Variants in TGFBI observed in about 807,000 individuals in gnomAD.
TGFBI encodes transforming growth factor-beta-induced protein ig-h3.
In TGFBI, 50 loss-of-function variants were observed where a neutral mutation model predicts 73.7. That is an observed-to-expected ratio of 0.68 (90% CI 0.54 to 0.86). TGFBI has a LOEUF of 0.86. TGFBI is among the 40% of genes least tolerant of loss of function. The pLI is 0.00. For synonymous variants in TGFBI, 362 were observed against 360.5 expected (o/e 1.00, Z -0.05); for missense variants, 839 against 877.0 (o/e 0.96, Z 0.55).
At chr5:136,035,623 T>TC (rs1751204768) in intron 2 of TGFBI, among the ~76,000 whole-genome samples, 1 of 107,172 alleles carries the variant, frequency 9.3e-6, no homozygotes, top group Non-Finnish European at 1.8e-5. Context: ...AGACACCGTC[T>TC]CAAAAAAAAA....
rs1342088627 is a variant in TGFBI, at chr5:136,056,705, A to T, written c.1588A>T (p.Thr530Ser). 2 of 1,613,574 alleles carry T rather than the reference A, an allele frequency of 1.2e-6. No individual in the cohort carries two copies. The highest frequency in any genetic ancestry group is 3.3e-5 in the Admixed American group (2 of 59,970). ...AAIQSAGLTE[T>S]LNREGVYTVF... ...CATCCAGTCTGCAGGACTGACGGAG[A>T]CCCTCAACCGGGAAGGAGTCTACAC... Residue 530 changes from threonine (T) to serine (S), a missense_variant, in exon 12 of 17, where the codon ACC becomes TCC. Transcript: ENST00000442011.
At position 136,060,898 on chromosome 5, in the gene TGFBI, G is replaced by A. The variant is rs121909215; in HGVS notation, c.1868G>A (p.Gly623Asp). 6.3e-7 allele frequency: 1 copy of A among 1,598,210 alleles called. No individual in the cohort carries two copies. Among genetic ancestry groups the A allele is most frequent in the Non-Finnish European group, 8.6e-7 (1 of 1,168,298 alleles). The change falls in exon 14 of 17, where the codon GGC becomes GAC. Residue 623 changes from glycine (G) to aspartate (D), a missense_variant. By Grantham distance (94) the Gly-to-Asp change is moderately conservative. Transcript: ENST00000442011. ...VAEPDIMATN[G>D]VVHVITNVLQ... The stretch of plus-strand genomic sequence containing the variant: ...GAGCCTGACATCATGGCCACAAATG[G>A]CGTGGTCCATGTCATCACCAATGTT...
At position 136,060,814 on chromosome 5, in the gene TGFBI, C is replaced by T; in HGVS notation, c.1804-20C>T. 3 of 1,560,982 alleles carry T rather than the reference C, an allele frequency of 1.9e-6. No individual in the cohort carries two copies. The highest frequency in any genetic ancestry group is 2.6e-6 in the Non-Finnish European group (3 of 1,139,362). On this transcript the variant is annotated intron_variant, in intron 13 of 16. Transcript: ENST00000442011. ...TAAATAAATGCTCTACTTTCAACCACTACTCTGTTTTTCTTTTAGAAAAAC... is the reference window on the plus strand; with the variant it reads ...TAAATAAATGCTCTACTTTCAACCATTACTCTGTTTTTCTTTTAGAAAAAC...
At chr5:136,055,569 A>C in intron 10 of TGFBI, 111 bp from the exon 11 acceptor site, 3 of 1,013,846 alleles carry the variant, frequency 3.0e-6, no homozygotes, top group Non-Finnish European at 4.0e-6. Context: ...ATCCCAGTGT[A>C]TACTCCTTCA....
intron 12 of TGFBI, among the ~76,000 whole-genome samples, chr5:136,057,254 G>A (rs563090688): frequency 4.0e-4 from 61 of 152,304 alleles, no homozygotes; most frequent in African/African-American, 1.4e-3. Flanking sequence ...GGGCAGAGAG[G>A]AGTAGAAAAG....
chr5:136,055,319 G>A (rs1751610024), intron 10 of TGFBI: 1 of 222,802 alleles, frequency 4.5e-6, no homozygotes, highest in Admixed American at 5.1e-5. Flanking sequence ...TCTTGCCTGG[G>A]ACCAACCAGC....
chr5:136,055,322 C>G (rs1219787079), intron 10 of TGFBI: 1 of 220,214 alleles, frequency 4.5e-6, no homozygotes, highest in Admixed American at 5.1e-5. Context: ...TGCCTGGGAC[C>G]AACCAGCACC....
chr5:136,050,419 A>C (rs1341907229), intron 7 of TGFBI, among the ~76,000 whole-genome samples: 1 of 152,118 alleles, frequency 6.6e-6, no homozygotes, highest in Admixed American at 6.5e-5. Context: ...TGAGCTGCTA[A>C]GTTAGGCAGT....
chr5:136,060,688 C>T (rs1208418205), intron 13 of TGFBI, 146 bp from the exon 14 acceptor site: 26 of 540,016 alleles, frequency 4.8e-5, no homozygotes, highest in Admixed American at 1.3e-4. Flanking sequence ...CCAGCCTGGG[C>T]GACAAGATTG....
chr5:136,049,430 T>C lies in TGFBI; in HGVS notation c.772-9T>C. ...TCAGGGAGCACTCCATCTTCTCTCC[T>C]CCCCACAGGCTGCTGTGGCTGCATC... On this transcript the variant is annotated splice_polypyrimidine_tract_variant and intron_variant, in intron 6 of 16. Coordinates refer to ENST00000442011, the MANE Select transcript of TGFBI (RefSeq NM_000358.3). 1.2e-6 allele frequency: 2 copies of C among 1,613,232 alleles called. No individual in the cohort carries two copies. The highest frequency in any genetic ancestry group is 1.1e-5 in the South Asian group (1 of 91,046).
At chr5:136,055,451 C>T (rs1751612396) in intron 10 of TGFBI, 1 of 402,504 alleles carries the variant, frequency 2.5e-6, no homozygotes, top group African/African-American at 2.0e-5. Flanking sequence ...TATGGGACCT[C>T]TGTGTGACTT....
Position 136,054,962 on chromosome 5 carries a change from G to T in TGFBI, c.1410+101G>T, listed in dbSNP as rs1363100095. 107 of 1,380,798 alleles carry T rather than the reference G, an allele frequency of 7.7e-5. 1 individual carries two copies. The highest frequency in any genetic ancestry group is 8.9e-6 in the Non-Finnish European group (9 of 1,007,904). 85.5% of individuals were successfully genotyped at this position (1,380,798 alleles called of 1,614,324 possible). A position where few individuals can be genotyped will look rare whatever the true frequency, so the allele number is the denominator to read the frequency against. ...CCTCAATAAGCAGGAGTTTGCATGA[G>T]AACTGGTTGCTGACAAGGAAGGAAA... On this transcript the variant is annotated intron_variant, in intron 10 of 16. Coordinates refer to ENST00000442011, the MANE Select transcript of TGFBI (RefSeq NM_000358.3).
Position 136,046,927 on chromosome 5 carries a change from G to A in TGFBI, c.536G>A (p.Arg179Gln), listed in dbSNP as rs371119133. The A allele has an allele frequency of 9.3e-6, 15 of 1,613,618 alleles. No individual in the cohort carries two copies. The highest frequency in any genetic ancestry group is 1.3e-5 in the African/African-American group (1 of 74,884). Residue 179 changes from arginine (R) to glutamine (Q), a missense_variant, in exon 5 of 17, where the codon CGA (arginine) becomes CAA (glutamine). By Grantham distance (43) the Arg-to-Gln change is conservative (BLOSUM62 1). Coordinates refer to ENST00000442011, the MANE Select transcript of TGFBI (RefSeq NM_000358.3). Reference sequence around the variant, plus strand: ...CTCCGCTACCATATGGTGGGCAGGCGAGTCCTGACTGATGAGCTGAAACAC... The same window carrying A: ...CTCCGCTACCATATGGTGGGCAGGCAAGTCCTGACTGATGAGCTGAAACAC... ...NALRYHMVGR[R>Q]VLTDELKHGM...
At chr5:136,045,783 T>C (rs1751417361) in intron 3 of TGFBI, 1 of 152,136 alleles carries the variant, frequency 6.6e-6, no homozygotes, top group Admixed American at 6.5e-5. Context: ...TCAAAATGAA[T>C]ATTAAGCTCA....
In TGFBI at chr5:136,057,702, G is replaced by A. The variant is rs542022692; in HGVS notation, c.1678+907G>A. 3.3e-5 allele frequency among the ~76,000 whole-genome samples: 5 copies of A among 152,134 alleles called. No homozygotes were observed. In the South Asian group the frequency reaches 1.0e-3, roughly 32 times the overall value. On this transcript the variant is annotated intron_variant, in intron 12 of 16. Transcript: ENST00000442011. ...AGGAAGGACCTTGACAAACCTTGGG[G>A]CCCACATTGTCTACACCTCCCTTCC...
intron 7 of TGFBI, 139 bp from the exon 8 acceptor site, chr5:136,052,767 TG>T: frequency 1.3e-6 from 1 of 795,622 alleles, no homozygotes; most frequent in Non-Finnish European, 2.0e-6. Flanking sequence ...GAGGAGGATC[TG>T]GGCCCTGTGG....
chr5:136,037,773 G>A (rs1751254458), intron 2 of TGFBI, among the ~76,000 whole-genome samples: 1 of 152,206 alleles, frequency 6.6e-6, no homozygotes, highest in Non-Finnish European at 1.5e-5. Context: ...CTTCAGCACT[G>A]CATTAATGCT....
chr5:136,046,174 C>G, intron 3 of TGFBI, 161 bp from the exon 4 acceptor site: 3 of 711,654 alleles, frequency 4.2e-6, no homozygotes, highest in East Asian at 2.8e-5. Context: ...AAGACTATAA[C>G]AAGCCTTAAG....
rs45474493 is a variant in TGFBI, at chr5:136,058,870, A to T, written c.1679-220A>T. 589 of 494,428 alleles carry T rather than the reference A, an allele frequency of 1.2e-3. 2 individuals carry two copies. The East Asian group carries it at 0.019, about 16-fold the overall frequency. 30.6% of individuals were successfully genotyped at this position (494,428 alleles called of 1,614,324 possible). ...AGAGGCCAACTGACTGCTGGGGCAG[A>T]TTTGTGGTCATGAACATGTGCTTTG... On this transcript the variant is annotated intron_variant, in intron 12 of 16. Transcript: ENST00000442011.
Sources: gnomAD v4.1 joint callset for allele counts (sites outside exome capture counted in the v4.1 genomes callset) on GRCh38, gnomAD v4.1.1 for gene constraint, MANE v1.5 for transcripts, NCBI Gene and HGNC (gene_info 2026-07-23, HGNC 2026-07-21) for gene names.